The following ALPK1 variants were observed in gnomAD, a reference collection of about 807,000 sequenced individuals.
ALPK1 encodes alpha-protein kinase 1.
In ALPK1, 110 loss-of-function variants were observed where a neutral mutation model predicts 120.6. That is an observed-to-expected ratio of 0.91 (90% CI 0.78 to 1.07). ALPK1 has a LOEUF of 1.07. Ranked by LOEUF, ALPK1 falls within the 50% of genes least tolerant of loss-of-function variation. The pLI is 0.00. For missense variants in ALPK1, 1,498 were observed against 1,483.9 expected (o/e 1.01, Z -0.16); for synonymous variants, 582 against 560.3 (o/e 1.04, Z -0.55).
chr4:112,320,935 G>T (rs1728842997), intron 2 of ALPK1, among the ~76,000 whole-genome samples: 1 of 128,600 alleles, frequency 7.8e-6, no homozygotes, highest in Admixed American at 9.3e-5. Context: ...CTTGCTCTGT[G>T]GCCCAGGCTG....
intron 2 of ALPK1, among the ~76,000 whole-genome samples, chr4:112,325,003 C>A (rs967410097): frequency 6.6e-6 from 1 of 150,968 alleles, no homozygotes; most frequent in Admixed American, 6.6e-5. Flanking sequence ...GAGTGAATCC[C>A]TTGAGGGAAT....
In ALPK1 at chr4:112,432,161, C is replaced by T. The variant is rs1734591070; in HGVS notation, c.2614C>T (p.His872Tyr). ...DVPCTNGHGS[H>Y]RLCILRQPPG... Reference sequence around the variant, plus strand: ...TCCCTGCACAAATGGGCACGGCTCTCATAGACTGTGCATTCTGAGACAGCC... The same window carrying T: ...TCCCTGCACAAATGGGCACGGCTCTTATAGACTGTGCATTCTGAGACAGCC... The change falls in exon 11 of 16, where the codon CAT (histidine) becomes TAT (tyrosine). Residue 872 changes from histidine to tyrosine, a missense_variant. Transcript: ENST00000650871. The T allele has an allele frequency of 6.2e-7, 1 of 1,614,204 alleles. No homozygotes were observed. Among genetic ancestry groups the T allele is most frequent in the Admixed American group, 1.7e-5 (1 of 60,028 alleles).
intron 2 of ALPK1, chr4:112,358,728 G>A (rs908517701): frequency 8.9e-6 from 7 of 782,194 alleles, no homozygotes; most frequent in Non-Finnish European, 1.4e-5. Flanking sequence ...GATCCAGCTG[G>A]TCAGCCACTC....
In ALPK1 at chr4:112,430,934, C is replaced by G. The variant is rs1471726934; in HGVS notation, c.1387C>G (p.His463Asp). 1.2e-6 allele frequency: 2 copies of G among 1,614,128 alleles called. No homozygotes were observed. The highest frequency in any genetic ancestry group is 4.5e-5 in the East Asian group (2 of 44,882). The change falls in exon 11 of 16, where the codon CAT (histidine) becomes GAT (aspartate). Residue 463 changes from histidine (H) to aspartate (D), a missense_variant. Coordinates refer to ENST00000650871, the MANE Select transcript of ALPK1 (RefSeq NM_025144.4). ...AATCCTTGACACCTATTCACAGCAC[C>G]ATACTTCGGTGTGTGAAGTATTTGA... ...QKILDTYSQH[H>D]TSVCEVFESD...
chr4:112,357,927 T>C, intron 2 of ALPK1: 2 of 910,344 alleles, frequency 2.2e-6, no homozygotes, highest in South Asian at 2.7e-5. Flanking sequence ...AGACCATGGG[T>C]GCTTACTAAG....
At chr4:112,362,037 G>T (rs1362203714) in intron 2 of ALPK1, among the ~76,000 whole-genome samples, 1 of 152,206 alleles carries the variant, frequency 6.6e-6, no homozygotes, top group Non-Finnish European at 1.5e-5. Context: ...TAGGGGAAGG[G>T]GGAGAGCCTC....
chr4:112,305,713 C>T lies in ALPK1; in HGVS notation c.-153+8244C>T, dbSNP rs191865083. Among the ~76,000 whole-genome samples the T allele has an allele frequency of 9.2e-5, 14 of 152,084 alleles. 1 individual carries two copies. The highest frequency in any genetic ancestry group is 3.1e-4 in the African/African-American group (13 of 41,452). On this transcript the variant is annotated intron_variant, in intron 1 of 15. Coordinates refer to ENST00000650871, the MANE Select transcript of ALPK1 (RefSeq NM_025144.4). Reference sequence around the variant, plus strand: ...CTGCAAACAGGGACAATTTGACTTCCTCTTTTCCTAATTGAATACCCTTTA... The same window carrying T: ...CTGCAAACAGGGACAATTTGACTTCTTCTTTTCCTAATTGAATACCCTTTA...
At chr4:112,392,294 C>T (rs536192369) in intron 4 of ALPK1, among the ~76,000 whole-genome samples, 2 of 152,224 alleles carry the variant, frequency 1.3e-5, no homozygotes, top group East Asian at 3.9e-4. Context: ...GTAAATGGCA[C>T]TACAAACCAC....
In ALPK1 at chr4:112,438,498, A is replaced by C; in HGVS notation, c.3203A>C (p.Asp1068Ala). ...TTTGTTCATAGGTATGTTGGGAAAG[A>C]CTATAAGGAGCAGAAGGGGCTCTGG... is the stretch of plus-strand genomic sequence containing the variant. ...EEILGRYVGK[D>A]YKEQKGLWHH... The change falls in exon 13 of 16, where the codon GAC (aspartate) becomes GCC (alanine). Residue 1068 changes from aspartate to alanine, a missense_variant. Coordinates refer to ENST00000650871, the MANE Select transcript of ALPK1 (RefSeq NM_025144.4). 1 of 1,613,576 alleles carries C rather than the reference A, an allele frequency of 6.2e-7. No individual in the cohort carries two copies. The highest frequency in any genetic ancestry group is 1.3e-5 in the African/African-American group (1 of 74,998).
At chr4:112,365,832 C>T (rs1473914159) in intron 2 of ALPK1, among the ~76,000 whole-genome samples, 1 of 152,120 alleles carries the variant, frequency 6.6e-6, no homozygotes, top group African/African-American at 2.4e-5. Flanking sequence ...GTCACCAAAA[C>T]AGCATGGTAC....
chr4:112,417,973 A>G (rs184271524), intron 5 of ALPK1, among the ~76,000 whole-genome samples: 4 of 152,350 alleles, frequency 2.6e-5, no homozygotes, highest in East Asian at 1.9e-4. Context: ...TTTGAACAGG[A>G]AAGTTCAATA....
chr4:112,415,324 A>G (rs1030634495), intron 5 of ALPK1, among the ~76,000 whole-genome samples: 1 of 152,210 alleles, frequency 6.6e-6, no homozygotes, highest in African/African-American at 2.4e-5. Flanking sequence ...TTCTTGGCTA[A>G]AGATGACCTT....
intron 2 of ALPK1, among the ~76,000 whole-genome samples, chr4:112,318,519 T>G (rs1450025475): frequency 6.6e-6 from 1 of 152,248 alleles, no homozygotes; most frequent in Non-Finnish European, 1.5e-5. Flanking sequence ...TTCTGTCACT[T>G]ATGACCTAAC....
At chr4:112,359,340 G>T (rs897272335) in intron 2 of ALPK1, 1 of 397,306 alleles carries the variant, frequency 2.5e-6, no homozygotes, top group Non-Finnish European at 4.8e-6. Context: ...AGTGCTGACA[G>T]CCTACAAGCA....
At chr4:112,416,460 A>G (rs1485143332) in intron 5 of ALPK1, among the ~76,000 whole-genome samples, 1 of 152,204 alleles carries the variant, frequency 6.6e-6, no homozygotes, top group East Asian at 1.9e-4. Context: ...GGGAAGTTTA[A>G]AAAACTCAAA....
intron 12 of ALPK1, among the ~76,000 whole-genome samples, chr4:112,435,504 C>T (rs1198148526): frequency 6.6e-6 from 1 of 152,086 alleles, no homozygotes; most frequent in Non-Finnish European, 1.5e-5. Flanking sequence ...AGCTGTTTTG[C>T]TGGATGTTTT....
intron 2 of ALPK1, chr4:112,357,394 C>A: frequency 1.4e-6 from 1 of 694,218 alleles, no homozygotes; most frequent in Middle Eastern, 3.1e-4. Flanking sequence ...AAGTGCACAT[C>A]CATCCTGATG....
At chr4:112,319,711 C>T (rs1728783247) in intron 2 of ALPK1, among the ~76,000 whole-genome samples, 1 of 152,146 alleles carries the variant, frequency 6.6e-6, no homozygotes, top group Non-Finnish European at 1.5e-5. Flanking sequence ...TGTCATCTAT[C>T]ATTTCTTTCA....
chr4:112,427,044 A>G (rs1040663407), intron 8 of ALPK1, among the ~76,000 whole-genome samples: 2 of 152,172 alleles, frequency 1.3e-5, no homozygotes, highest in African/African-American at 4.8e-5. Flanking sequence ...TGGTTATTAC[A>G]TTTCCCTGAG....
Sources: allele counts gnomAD v4.1 joint callset (sites outside exome capture counted in the v4.1 genomes callset), GRCh38; gene constraint gnomAD v4.1.1; transcripts MANE v1.5; gene names NCBI Gene and HGNC (gene_info 2026-07-23, HGNC 2026-07-21).